Variants in NXPE2 observed in about 807,000 individuals in gnomAD.
The protein encoded by NXPE2 is neurexophilin and PC-esterase domain family member 2.
A neutral mutation model predicts 34.4 loss-of-function variants in NXPE2; 34 were observed. That is an observed-to-expected ratio of 0.99 (90% confidence interval 0.75 to 1.31). NXPE2 has a LOEUF of 1.31. NXPE2 is among the 40% of genes most tolerant of loss of function. The pLI is 0.00. For missense variants in NXPE2, 649 were observed against 672.5 expected, an observed-to-expected ratio of 0.97 and a Z score of 0.39; for synonymous variants, 235 against 231.3, an observed-to-expected ratio of 1.02 and a Z score of -0.15.
the NXPE2 span, among the ~76,000 whole-genome samples, chr11:114,771,066 C>T: frequency 1.3e-5 from 2 of 152,170 alleles, no homozygotes; most frequent in South Asian, 4.2e-4. Context: ...GATCATTTGA[C>T]CAAATGCAGG....
the NXPE2 span, among the ~76,000 whole-genome samples, chr11:114,589,485 TG>T: frequency 4.6e-5 from 7 of 152,220 alleles, no homozygotes; most frequent in Non-Finnish European, 8.8e-5. Flanking sequence ...TAGGTGCAGT[TG>T]GGGGGACATA....
At chr11:114,602,658 TATA>T in the NXPE2 span, among the ~76,000 whole-genome samples, 13 of 142,114 alleles carry the variant, frequency 9.1e-5, no homozygotes, top group East Asian at 1.0e-3. Flanking sequence ...TTTTCTCATA[TATA>T]ATAATTACAG....
At chr11:114,467,169 A>G in the NXPE2 span, among the ~76,000 whole-genome samples, 3 of 152,358 alleles carry the variant, frequency 2.0e-5, no homozygotes, top group African/African-American at 7.2e-5. Context: ...GTGAAAGCAT[A>G]ACACTGACGT....
At chr11:114,580,159 T>C in the NXPE2 span, 2 of 1,614,060 alleles carry the variant, frequency 1.2e-6, no homozygotes, top group Non-Finnish European at 1.7e-6. Flanking sequence ...AAGTATTCCA[T>C]CCACTGGCGG....
At chr11:114,767,236 T>C in the NXPE2 span, among the ~76,000 whole-genome samples, 3 of 152,200 alleles carry the variant, frequency 2.0e-5, no homozygotes, top group South Asian at 6.2e-4. Context: ...ATAATAGTGC[T>C]TTCATTTACA....
At chr11:114,538,518 G>T in the NXPE2 span, among the ~76,000 whole-genome samples, 2 of 152,128 alleles carry the variant, frequency 1.3e-5, no homozygotes, top group African/African-American at 4.8e-5. Context: ...GAAAATTTTT[G>T]CAACCTACTC....
chr11:114,643,878 A>C, the NXPE2 span, among the ~76,000 whole-genome samples: 2 of 152,078 alleles, frequency 1.3e-5, no homozygotes, highest in African/African-American at 4.8e-5. Flanking sequence ...CATGATATTA[A>C]TTCTTCCTAT....
the NXPE2 span, among the ~76,000 whole-genome samples, chr11:114,655,318 C>A: frequency 6.6e-6 from 1 of 152,138 alleles, no homozygotes; most frequent in South Asian, 2.1e-4. Flanking sequence ...TGCAAAAACT[C>A]TTTAGTTTAA....
the NXPE2 span, among the ~76,000 whole-genome samples, chr11:114,619,882 G>A: frequency 6.6e-6 from 1 of 152,096 alleles, no homozygotes; most frequent in Admixed American, 6.6e-5. Flanking sequence ...TGCCTCGTGG[G>A]TAAGAATTCT....
the NXPE2 span, among the ~76,000 whole-genome samples, chr11:114,725,080 C>G: frequency 2.0e-5 from 3 of 151,876 alleles, no homozygotes; most frequent in East Asian, 3.9e-4. Flanking sequence ...CAGCTGAAGT[C>G]TAGCTCAGCC....
chr11:114,680,912 C>G (rs910330546), intron 2 of NXPE2, among the ~76,000 whole-genome samples: 1 of 152,096 alleles, frequency 6.6e-6, no homozygotes, highest in South Asian at 2.1e-4. Flanking sequence ...AACACACACA[C>G]CAAATTTATC....
chr11:114,793,904 C>T, the NXPE2 span, among the ~76,000 whole-genome samples: 1 of 152,154 alleles, frequency 6.6e-6, no homozygotes, highest in African/African-American at 2.4e-5. Context: ...ATCACCATTG[C>T]AATTTACTGT....
At chr11:114,516,066 A>T in the NXPE2 span, among the ~76,000 whole-genome samples, 1 of 152,222 alleles carries the variant, frequency 6.6e-6, no homozygotes, top group Admixed American at 6.5e-5. Context: ...TAGTTTGCCT[A>T]TAGCCACACA....
At chr11:114,760,815 CA>C in the NXPE2 span, among the ~76,000 whole-genome samples, 8 of 152,164 alleles carry the variant, frequency 5.3e-5, no homozygotes, top group Non-Finnish European at 1.0e-4. Context: ...TTCAACCCCC[CA>C]AACACACATT....
the NXPE2 span, among the ~76,000 whole-genome samples, chr11:114,505,597 C>G: frequency 1.3e-5 from 2 of 152,048 alleles, no homozygotes; most frequent in African/African-American, 2.4e-5. Flanking sequence ...AAAAGAAATT[C>G]CAACCTAGAA....
At chr11:114,530,857 C>A in the NXPE2 span, 55 of 1,613,594 alleles carry the variant, frequency 3.4e-5, no homozygotes, top group East Asian at 1.1e-3. Context: ...AAGGACTTTG[C>A]GGAGTTGTTC....
the NXPE2 span, among the ~76,000 whole-genome samples, chr11:114,746,853 A>G: frequency 6.9e-6 from 1 of 145,748 alleles, no homozygotes; most frequent in African/African-American, 2.6e-5. Flanking sequence ...TCCCTCTCAA[A>G]AACAAACAAA....
chr11:114,491,025 G>T, the NXPE2 span, among the ~76,000 whole-genome samples: 1 of 149,546 alleles, frequency 6.7e-6, no homozygotes, highest in Non-Finnish European at 1.5e-5. Context: ...AGCCGGGCGC[G>T]GTGGCGGGCG....
chr11:114,620,298 G>A, the NXPE2 span, among the ~76,000 whole-genome samples: 7 of 151,480 alleles, frequency 4.6e-5, no homozygotes, highest in African/African-American at 4.9e-5. Context: ...GTAATGCCTC[G>A]TGGGTAACCA....
Sources: gnomAD v4.1 joint callset for allele counts (sites outside exome capture counted in the v4.1 genomes callset) on GRCh38, gnomAD v4.1.1 for gene constraint, MANE v1.5 for transcripts, NCBI Gene and HGNC (gene_info 2026-07-23, HGNC 2026-07-21) for gene names.